FGF12: variants seen among roughly 807,000 people sequenced by gnomAD.
FGF12 encodes the protein fibroblast growth factor 12B.
In FGF12, 14 loss-of-function variants were observed where a neutral mutation model predicts 23.6. The ratio of observed to expected loss-of-function variants is 0.59; its 90% CI spans 0.39 to 0.93. The LOEUF (loss-of-function observed/expected upper bound fraction) is 0.93, where lower values mean the gene tolerates loss of function less well. FGF12 is among the 40% of genes least tolerant of loss of function. FGF12 has a pLI of 0.00. For synonymous variants in FGF12, 62 were observed against 77.3 expected (o/e 0.80, Z 1.04); for missense variants, 175 against 217.8 (o/e 0.80, Z 1.24).
intron 2 of FGF12, chr3:192,521,387 GA>G (rs993863426): frequency 6.6e-6 from 1 of 152,096 alleles, no homozygotes; most frequent in African/African-American, 2.4e-5. Context: ...TTAGCCATAA[GA>G]AAACTTTAAA....
At position 192,360,098 on chromosome 3, in the gene FGF12, A is replaced by G. The variant is rs1449196313; in HGVS notation, c.124+330T>C. Reference sequence around the variant, plus strand: ...CATCACTTGGTTCCGGGATTTAAATACCATCTTGTGTTGGAAGATGTGCTT... The same window carrying G: ...CATCACTTGGTTCCGGGATTTAAATGCCATCTTGTGTTGGAAGATGTGCTT... On this transcript the variant is annotated intron_variant, in intron 3 of 5. Coordinates refer to ENST00000445105, the MANE Select transcript of FGF12 (RefSeq NM_004113.6). The surrounding 1 kb of genome is among the most constrained non-coding windows in gnomAD (Gnocchi z 4.3). 6.6e-6 allele frequency among the ~76,000 whole-genome samples: 1 copy of G among 152,118 alleles called. No homozygotes were observed. The highest frequency in any genetic ancestry group is 2.4e-5 in the African/African-American group (1 of 41,438).
chr3:192,527,861 T>G (rs533841837), intron 2 of FGF12, among the ~76,000 whole-genome samples: 1 of 152,254 alleles, frequency 6.6e-6, no homozygotes, highest in Admixed American at 6.5e-5. Context: ...AGAAGACAGC[T>G]TATGCAGGGA....
intron 2 of FGF12, among the ~76,000 whole-genome samples, chr3:192,662,431 T>C (rs1716704636): frequency 6.6e-6 from 1 of 152,212 alleles, no homozygotes; most frequent in Admixed American, 6.5e-5. Context: ...AGCCATCTCA[T>C]CAATTCAACC....
intron 4 of FGF12, among the ~76,000 whole-genome samples, chr3:192,212,439 G>C (rs896536080): frequency 1.1e-4 from 16 of 152,100 alleles, no homozygotes; most frequent in African/African-American, 3.9e-4. Flanking sequence ...AAACGGTGTG[G>C]GGAGAAGAAT....
At chr3:192,541,718 A>G (rs1846956) in intron 2 of FGF12, among the ~76,000 whole-genome samples, 61,442 of 151,700 alleles carry the variant, frequency 0.41, 12,644 homozygotes, top group East Asian at 0.47. Flanking sequence ...TCTGATGTTA[A>G]TAAAACCCCT....
At chr3:192,599,876 G>A (rs1714035730) in intron 2 of FGF12, among the ~76,000 whole-genome samples, 1 of 152,050 alleles carries the variant, frequency 6.6e-6, no homozygotes, top group Non-Finnish European at 1.5e-5. Context: ...AGATAGTAAA[G>A]TTAGTGGCTA....
At chr3:192,725,844 T>C (rs1275656947) in intron 2 of FGF12, among the ~76,000 whole-genome samples, 1 of 152,212 alleles carries the variant, frequency 6.6e-6, no homozygotes, top group Admixed American at 6.5e-5. Context: ...TATTTTAAAA[T>C]GGAGTATAAT....
At chr3:192,291,375 G>A (rs1219618744) in intron 4 of FGF12, among the ~76,000 whole-genome samples, 2 of 151,986 alleles carry the variant, frequency 1.3e-5, no homozygotes, top group African/African-American at 4.8e-5. Flanking sequence ...GAAACCAGGA[G>A]TTTAAGACCA....
At chr3:192,234,479 C>T (rs1719180597) in intron 4 of FGF12, among the ~76,000 whole-genome samples, 1 of 152,162 alleles carries the variant, frequency 6.6e-6, no homozygotes, top group Non-Finnish European at 1.5e-5. Context: ...ATATCATCTG[C>T]AAAGGGAGAT....
intron 3 of FGF12, among the ~76,000 whole-genome samples, chr3:192,346,853 T>C (rs533758631): frequency 3.9e-5 from 6 of 152,276 alleles, no homozygotes; most frequent in Admixed American, 3.3e-4. Context: ...CCTCCTTTTA[T>C]AATAAAATAG....
chr3:192,500,121 T>A (rs1003780525), intron 2 of FGF12, among the ~76,000 whole-genome samples: 1 of 152,166 alleles, frequency 6.6e-6, no homozygotes, highest in Non-Finnish European at 1.5e-5. Context: ...CAGCTGGCTA[T>A]TTTTGGACAT....
At chr3:192,307,787 T>G (rs1256011935) in intron 4 of FGF12, among the ~76,000 whole-genome samples, 1 of 152,222 alleles carries the variant, frequency 6.6e-6, no homozygotes, top group East Asian at 1.9e-4. Flanking sequence ...ATGCTTTTTC[T>G]GAAATTTCAT....
At chr3:192,154,788 A>G (rs1242469078) in intron 5 of FGF12, among the ~76,000 whole-genome samples, 1 of 146,942 alleles carries the variant, frequency 6.8e-6, no homozygotes, top group Admixed American at 6.8e-5. Flanking sequence ...CCCTGCCCCC[A>G]GAGGTGGAGC....
chr3:192,326,985 GA>G (rs1716853316), intron 4 of FGF12, among the ~76,000 whole-genome samples: 1 of 152,112 alleles, frequency 6.6e-6, no homozygotes, highest in Non-Finnish European at 1.5e-5. Flanking sequence ...CATTCCAATG[GA>G]AAGGTTTTAT....
intron 5 of FGF12, among the ~76,000 whole-genome samples, chr3:192,156,285 G>A (rs1447974891): frequency 6.6e-6 from 1 of 152,082 alleles, no homozygotes; most frequent in Non-Finnish European, 1.5e-5. Flanking sequence ...AGATTCAGTG[G>A]CACTTCTCAT....
chr3:192,375,839 G>GA (rs1425072832), intron 2 of FGF12, among the ~76,000 whole-genome samples: 1 of 151,222 alleles, frequency 6.6e-6, no homozygotes, highest in Non-Finnish European at 1.5e-5. Context: ...TCAGCATTCT[G>GA]GAAAAAAATT....
In FGF12 at chr3:192,369,632, T is replaced by C. The variant is rs537762628; in HGVS notation, c.14-9094A>G. 1.1e-4 allele frequency among the ~76,000 whole-genome samples: 16 copies of C among 152,330 alleles called. No homozygotes were observed. The South Asian group carries it at 3.3e-3, about 32-fold the overall frequency. ...TTTTGTACTGAGCCAGTTTTATTCCTCATAGCATTAGCCCCCTTCCTCCTA... is the reference window on the plus strand; with the variant it reads ...TTTTGTACTGAGCCAGTTTTATTCCCCATAGCATTAGCCCCCTTCCTCCTA... On this transcript the variant is annotated intron_variant, in intron 2 of 5. Coordinates refer to ENST00000445105, the MANE Select transcript of FGF12 (RefSeq NM_004113.6).
At chr3:192,422,514 C>T (rs1383049879) in intron 2 of FGF12, among the ~76,000 whole-genome samples, 1 of 152,054 alleles carries the variant, frequency 6.6e-6, no homozygotes, top group African/African-American at 2.4e-5. Flanking sequence ...TCCCTCAGTC[C>T]CCAGAAGAAC....
intron 2 of FGF12, among the ~76,000 whole-genome samples, chr3:192,405,993 G>T (rs756323227): frequency 6.6e-6 from 1 of 152,160 alleles, no homozygotes; most frequent in Non-Finnish European, 1.5e-5. Flanking sequence ...CTGCCAGATT[G>T]TTATTTTGAC....
Sources: gnomAD v4.1 joint callset for allele counts (sites outside exome capture counted in the v4.1 genomes callset) on GRCh38, gnomAD v4.1.1 for gene constraint, Gnocchi (gnomAD v3.1) non-coding constraint, MANE v1.5 for transcripts, NCBI Gene and HGNC (gene_info 2026-07-23, HGNC 2026-07-21) for gene names.